Variants in CLASP1 observed in about 807,000 individuals in gnomAD.
CLASP1 encodes the protein CLIP-associating protein 1.
CLASP1 carries 38 observed loss-of-function variants against 192.3 expected under a neutral mutation model. The ratio of observed to expected loss-of-function variants is 0.20; its 90% CI spans 0.15 to 0.26. The LOEUF is 0.26. Among genes scored for constraint, CLASP1 ranks in the 10% least tolerant of loss-of-function variants. The probability of loss-of-function intolerance (pLI) is 1.00; values close to 1 mark genes in which losing one functional copy is unlikely to be tolerated. For synonymous variants in CLASP1, 691 were observed against 712.8 expected, an observed-to-expected ratio of 0.97 and a Z score of 0.49; for missense variants, 1,433 against 1,932.5, an observed-to-expected ratio of 0.74 and a Z score of 4.85.
intron 9 of CLASP1, among the ~76,000 whole-genome samples, chr2:121,468,830 A>G (rs1009008615): frequency 6.6e-6 from 1 of 152,068 alleles, no homozygotes; most frequent in African/African-American, 2.4e-5. Flanking sequence ...TATTATCCAC[A>G]TTCTGAGGCC....
intron 26 of CLASP1, among the ~76,000 whole-genome samples, chr2:121,403,612 C>T (rs1259527422): frequency 1.3e-5 from 2 of 152,150 alleles, no homozygotes; most frequent in East Asian, 1.9e-4. Flanking sequence ...TACCTTCTTC[C>T]TCTAAAAGCA....
intron 8 of CLASP1, among the ~76,000 whole-genome samples, chr2:121,474,715 G>A (rs1382846511): frequency 3.9e-5 from 6 of 152,144 alleles, no homozygotes; most frequent in African/African-American, 1.4e-4. Context: ...CAGCGTGGGT[G>A]ACAGAGCGAG....
intron 34 of CLASP1, among the ~76,000 whole-genome samples, chr2:121,370,363 C>T (rs755667254): frequency 1.4e-4 from 22 of 152,100 alleles, no homozygotes; most frequent in Non-Finnish European, 2.6e-4. Context: ...TCACTCTTGT[C>T]GCCCAGGCTG....
intron 2 of CLASP1, among the ~76,000 whole-genome samples, chr2:121,537,009 G>A (rs946986143): frequency 1.3e-5 from 2 of 152,068 alleles, no homozygotes; most frequent in Non-Finnish European, 2.9e-5. Flanking sequence ...CTTGTGTTAT[G>A]GGGCAATAAA....
chr2:121,387,345 T>G (rs1275481618), intron 31 of CLASP1, 117 bp from the exon 33 acceptor site: 1 of 652,426 alleles, frequency 1.5e-6, no homozygotes, highest in Admixed American at 3.8e-5. Flanking sequence ...CCCAGGATGG[T>G]TTTTTTTTTC....
At chr2:121,375,043 T>C (rs572201835) in intron 34 of CLASP1, among the ~76,000 whole-genome samples, 37 of 152,178 alleles carry the variant, frequency 2.4e-4, no homozygotes, top group Non-Finnish European at 2.4e-4. Flanking sequence ...AGTTTGGCTC[T>C]GTGTCCCCAC....
intron 34 of CLASP1, among the ~76,000 whole-genome samples, chr2:121,377,020 G>A (rs2070404762): frequency 6.6e-6 from 1 of 152,168 alleles, no homozygotes; most frequent in Non-Finnish European, 1.5e-5. Context: ...TAGAGATAAA[G>A]TACACAATAA....
At chr2:121,526,348 G>A (rs1053938078) in intron 5 of CLASP1, among the ~76,000 whole-genome samples, 1 of 152,222 alleles carries the variant, frequency 6.6e-6, no homozygotes, top group Non-Finnish European at 1.5e-5. Flanking sequence ...ACCGCTGGAT[G>A]AAAAGACTGC....
chr2:121,582,688 A>C (rs1050083087), intron 2 of CLASP1, among the ~76,000 whole-genome samples: 3 of 152,064 alleles, frequency 2.0e-5, no homozygotes, highest in African/African-American at 7.2e-5. Flanking sequence ...ACTGGCTCTA[A>C]GGTAGTCAAA....
chr2:121,487,994 C>A (rs1222283172), intron 8 of CLASP1, among the ~76,000 whole-genome samples: 3 of 152,134 alleles, frequency 2.0e-5, no homozygotes, highest in African/African-American at 7.2e-5. Flanking sequence ...AGCAATACCC[C>A]CACTGTTGTT....
At chr2:121,427,522 G>C in intron 20 of CLASP1, 92 bp from the exon 21 acceptor site, 1 of 1,347,378 alleles carries the variant, frequency 7.4e-7, no homozygotes, top group South Asian at 1.2e-5. Context: ...ACAACACAAA[G>C]GTCTTTGTTC....
intron 38 of CLASP1, among the ~76,000 whole-genome samples, chr2:121,348,002 C>CTA (rs1211417377): frequency 1.0e-4 from 14 of 139,366 alleles, no homozygotes; most frequent in Non-Finnish European, 3.0e-5. Flanking sequence ...CATGGTGACA[C>CTA]CTGTCATTGT....
intron 26 of CLASP1, chr2:121,402,736 G>A (rs1265904042): frequency 4.1e-6 from 2 of 489,496 alleles, no homozygotes. Flanking sequence ...TAAATCTTAA[G>A]AATCTAATTA....
intron 1 of CLASP1, among the ~76,000 whole-genome samples, chr2:121,607,598 C>T (rs1467031902): frequency 2.0e-5 from 3 of 152,176 alleles, no homozygotes; most frequent in African/African-American, 7.2e-5. Flanking sequence ...AAAACCATTA[C>T]TTAATTCCTT....
intron 37 of CLASP1, among the ~76,000 whole-genome samples, chr2:121,362,315 T>C (rs1350401549): frequency 6.6e-6 from 1 of 152,236 alleles, no homozygotes; most frequent in Admixed American, 6.5e-5. Flanking sequence ...CCATTCTCTG[T>C]AGGCTTCTAG....
chr2:121,479,046 CA>C (rs2092355831), intron 8 of CLASP1, among the ~76,000 whole-genome samples: 7 of 85,436 alleles, frequency 8.2e-5, no homozygotes, highest in African/African-American at 3.2e-4. Flanking sequence ...CACACACACA[CA>C]CCCCCCCCCC....
intron 22 of CLASP1, among the ~76,000 whole-genome samples, chr2:121,422,093 G>A (rs527713938): frequency 5.5e-4 from 83 of 152,270 alleles, no homozygotes; most frequent in African/African-American, 1.5e-3. Flanking sequence ...CTGGGAAGCC[G>A]TAAGATACCC....
rs139624313 is a variant in CLASP1, at chr2:121,339,934, G to A, written c.*927C>T. 1,199 of 152,346 alleles carry A rather than the reference G, an allele frequency of 7.9e-3. 9 individuals are homozygous for A. Among genetic ancestry groups the A allele is most frequent in the Middle Eastern group, 0.024 (7 of 294 alleles). 9.4% of individuals were successfully genotyped at this position (152,346 alleles called of 1,614,324 possible). ...GGCTTAGGCAGAACTTTGAGGGGAGGAAACAAGTTGGTGCTCAATCTGAAT... is the reference window on the plus strand; with the variant it reads ...GGCTTAGGCAGAACTTTGAGGGGAGAAAACAAGTTGGTGCTCAATCTGAAT... On this transcript the variant is annotated 3_prime_UTR_variant, in exon 40 of 40. Transcript: ENST00000263710.
Position 121,362,321 on chromosome 2 carries a change from T to C in CLASP1, c.4206+851A>G, listed in dbSNP as rs971839449. Among the ~76,000 whole-genome samples, 10 of 152,332 alleles carry C rather than the reference T, an allele frequency of 6.6e-5. 1 individual carries two copies. Among genetic ancestry groups the C allele is most frequent in the Middle Eastern group, 6.8e-3 (2 of 294 alleles). ...GCCACCTCCCCATTCTCTGTAGGCTTCTAGCCACTTGAAAGCCTGGTGAGG... is the reference window on the plus strand; with the variant it reads ...GCCACCTCCCCATTCTCTGTAGGCTCCTAGCCACTTGAAAGCCTGGTGAGG... On this transcript the variant is annotated intron_variant, in intron 37 of 39. Coordinates refer to ENST00000263710, the Ensembl canonical transcript of CLASP1.
Sources: gnomAD v4.1 joint callset for allele counts (sites outside exome capture counted in the v4.1 genomes callset) on GRCh38, gnomAD v4.1.1 for gene constraint, MANE v1.5 for transcripts, NCBI Gene and HGNC (gene_info 2026-07-23, HGNC 2026-07-21) for gene names.